Variants in RGL1 observed in about 807,000 individuals in gnomAD.
RGL1 encodes the protein ral guanine nucleotide dissociation stimulator-like 1.
RGL1 carries 24 observed loss-of-function variants against 95.2 expected under a neutral mutation model. The observed-to-expected ratio is 0.25, with a 90% CI of 0.18 to 0.35. The LOEUF is 0.35. RGL1 is among the 10% of genes least tolerant of loss of function. RGL1 has a pLI of 1.00. For missense variants in RGL1, 715 were observed against 936.3 expected (o/e 0.76, Z 3.08); for synonymous variants, 329 against 344.9 (o/e 0.95, Z 0.51).
chr1:183,662,409 C>T (rs1394356619), intron 1 of RGL1, among the ~76,000 whole-genome samples: 1 of 151,936 alleles, frequency 6.6e-6, no homozygotes, highest in Non-Finnish European at 1.5e-5. Context: ...CATTCTTATA[C>T]ACCAATAACA....
At chr1:183,853,110 C>T (rs1317945743) in intron 3 of RGL1, among the ~76,000 whole-genome samples, 3 of 151,966 alleles carry the variant, frequency 2.0e-5, no homozygotes, top group East Asian at 1.9e-4. Context: ...CCGAGGTGGG[C>T]GGTTCACTTG....
intron 14 of RGL1, among the ~76,000 whole-genome samples, chr1:183,911,875 G>A (rs1240073569): frequency 6.6e-6 from 1 of 152,166 alleles, no homozygotes; most frequent in Non-Finnish European, 1.5e-5. Context: ...TAATCTATGT[G>A]TTCTTTGAAG....
chr1:183,766,488 C>T (rs1055641917), intron 2 of RGL1, among the ~76,000 whole-genome samples: 14 of 152,100 alleles, frequency 9.2e-5, no homozygotes, highest in African/African-American at 3.4e-4. Context: ...ACTTTGTACC[C>T]ATATCAAGTT....
At chr1:183,765,166 T>G (rs1317192150) in intron 2 of RGL1, among the ~76,000 whole-genome samples, 1 of 152,208 alleles carries the variant, frequency 6.6e-6, no homozygotes, top group East Asian at 1.9e-4. Flanking sequence ...ATGAGGCATC[T>G]TTCTAAGGGG....
intron 2 of RGL1, among the ~76,000 whole-genome samples, chr1:183,790,387 T>C (rs950110190): frequency 3.3e-5 from 5 of 152,190 alleles, no homozygotes; most frequent in Non-Finnish European, 7.4e-5. Context: ...CTGAACTGAT[T>C]TGAGGACCTT....
intron 2 of RGL1, among the ~76,000 whole-genome samples, chr1:183,809,572 C>T (rs1221660081): frequency 6.6e-6 from 1 of 152,046 alleles, no homozygotes; most frequent in Non-Finnish European, 1.5e-5. Flanking sequence ...ATAATTTTAC[C>T]CACCTATAAT....
rs200952310 is a variant in RGL1 at position 183,711,806 on chromosome 1, GAGA to G, written c.-32-30310_-32-30308del. Among the ~76,000 whole-genome samples, 7 of 152,188 alleles carry G rather than the reference GAGA, an allele frequency of 4.6e-5. No individual in the cohort carries two copies. In the East Asian group the frequency reaches 1.2e-3, roughly 25 times the overall value. On this transcript the variant is annotated intron_variant, in intron 1 of 18. Coordinates refer to the RGL1 transcript ENST00000304685. ...TGGGAATGGGGTGTGGGGGCGGGCG[GAGA>G]AGAAGAAGACATTCACAGTTAACAC...
chr1:183,871,417 A>G (rs1666176050), intron 4 of RGL1, among the ~76,000 whole-genome samples: 1 of 152,230 alleles, frequency 6.6e-6, no homozygotes, highest in African/African-American at 2.4e-5. Context: ...GCAGGAATCC[A>G]ATGACATTCA....
intron 5 of RGL1, among the ~76,000 whole-genome samples, chr1:183,883,014 A>G (rs1228236690): frequency 6.6e-6 from 1 of 152,148 alleles, no homozygotes. Flanking sequence ...AGCACTGGGG[A>G]AAGGTTCCAG....
chr1:183,801,247 G>A (rs1427858683), upstream of RGL1, among the ~76,000 whole-genome samples: 1 of 151,682 alleles, frequency 6.6e-6, no homozygotes, highest in Non-Finnish European at 1.5e-5. Flanking sequence ...TTTTCCTGAT[G>A]ATTAGTGATG....
intron 2 of RGL1, among the ~76,000 whole-genome samples, chr1:183,818,905 CCT>C (rs1662265451): frequency 6.6e-6 from 1 of 152,030 alleles, no homozygotes; most frequent in South Asian, 2.1e-4. Context: ...GATGCTTTTG[CCT>C]CATCTTTGTC....
intron 1 of RGL1, among the ~76,000 whole-genome samples, chr1:183,738,512 TATTTTA>T (rs1037299012): frequency 1.6e-4 from 25 of 152,352 alleles, no homozygotes; most frequent in African/African-American, 6.0e-4. Context: ...ATATGCCTCC[TATTTTA>T]ATTTTAACAA....
chr1:183,794,288 G>A (rs892796799), intron 2 of RGL1, among the ~76,000 whole-genome samples: 2 of 151,884 alleles, frequency 1.3e-5, no homozygotes, highest in Non-Finnish European at 2.9e-5. Context: ...GGCTGGAAAA[G>A]GTGGAGAGGG....
At chr1:183,829,317 C>G (rs1188271535) in intron 2 of RGL1, among the ~76,000 whole-genome samples, 1 of 151,890 alleles carries the variant, frequency 6.6e-6, no homozygotes, top group Non-Finnish European at 1.5e-5. Flanking sequence ...TGGTGTATAC[C>G]TGTAGTCCCA....
At chr1:183,641,569 C>T (rs1649929018) in intron 1 of RGL1, among the ~76,000 whole-genome samples, 1 of 152,182 alleles carries the variant, frequency 6.6e-6, no homozygotes, top group Non-Finnish European at 1.5e-5. Context: ...CCCCACCATA[C>T]CTGGCCATAA....
rs551752283 is a variant in RGL1, at chr1:183,811,169, G to A, written c.138+4684G>A. ...AATCAATTAGGTAATGATTATAGCTGTCTTACACCCATTCGAGAACAAAGC... is the reference window on the plus strand; with the variant it reads ...AATCAATTAGGTAATGATTATAGCTATCTTACACCCATTCGAGAACAAAGC... On this transcript the variant is annotated intron_variant, in intron 2 of 17. Coordinates refer to ENST00000360851, the MANE Select transcript of RGL1 (RefSeq NM_001297671.3). Among the ~76,000 whole-genome samples the A allele has an allele frequency of 1.1e-4, 16 of 152,330 alleles. No homozygotes were observed. The East Asian group carries it at 3.1e-3, about 29-fold the overall frequency.
At chr1:183,904,813 CT>C (rs373345158) in intron 12 of RGL1, 36 bp from the exon 13 acceptor site, 10,237 of 1,317,414 alleles carry the variant, frequency 7.8e-3, no homozygotes, top group South Asian at 0.015. Context: ...ATTATTCAGT[CT>C]TTTTTTTTTA....
At chr1:183,750,471 G>A (rs1385861079) in intron 2 of RGL1, among the ~76,000 whole-genome samples, 1 of 152,088 alleles carries the variant, frequency 6.6e-6, no homozygotes, top group Non-Finnish European at 1.5e-5. Flanking sequence ...TAACCTTTTT[G>A]AAGGTTCTTA....
intron 7 of RGL1, 108 bp from the exon 8 acceptor site, chr1:183,888,366 T>C: frequency 1.4e-6 from 1 of 691,746 alleles, no homozygotes; most frequent in Non-Finnish European, 2.5e-6. Flanking sequence ...CTGCCTATTT[T>C]GTGGTAAGAA....
Sources: gnomAD v4.1 joint callset for allele counts (sites outside exome capture counted in the v4.1 genomes callset) on GRCh38, gnomAD v4.1.1 for gene constraint, MANE v1.5 for transcripts, NCBI Gene and HGNC (gene_info 2026-07-23, HGNC 2026-07-21) for gene names.